SRCAP: variants seen among roughly 807,000 people sequenced by gnomAD.
The protein encoded by SRCAP is Snf2 related CREBBP activator protein.
Under a neutral mutation model 263.1 loss-of-function variants are expected in SRCAP, and 46 were observed. The ratio of observed to expected loss-of-function variants is 0.17; its 90% CI spans 0.14 to 0.22. The LOEUF is 0.22. Ranked by LOEUF, SRCAP falls within the 10% of genes least tolerant of loss-of-function variation. The pLI is 1.00. For missense variants in SRCAP, 3,695 were observed against 4,181.9 expected, an observed-to-expected ratio of 0.88 and a Z score of 3.21; for synonymous variants, 1,813 against 1,662.1, an observed-to-expected ratio of 1.09 and a Z score of -2.21.
At chr16:30,721,977 C>CT (rs1264711331) in intron 21 of SRCAP, 145 bp from the exon 22 acceptor site, 1 of 1,014,200 alleles carries the variant, frequency 9.9e-7, no homozygotes, top group Admixed American at 2.9e-5. Context: ...TAGGTGGAGG[C>CT]TGAGTTTATT....
At chr16:30,702,458 T>C (rs909686986) in intron 3 of SRCAP, among the ~76,000 whole-genome samples, 1 of 151,682 alleles carries the variant, frequency 6.6e-6, no homozygotes, top group Non-Finnish European at 1.5e-5. Flanking sequence ...GGTCTCAAAC[T>C]CCTGACCTCT....
At chr16:30,735,397 C>G (rs899590176) in intron 31 of SRCAP, among the ~76,000 whole-genome samples, 1 of 151,390 alleles carries the variant, frequency 6.6e-6, no homozygotes, top group Non-Finnish European at 1.5e-5. Context: ...CCGCCCGCCT[C>G]GGCCTCCCAA....
At position 30,709,641 on chromosome 16, in the gene SRCAP, A is replaced by G. The variant is rs764585756; in HGVS notation, c.762A>G (p.Pro254=). ...TTCTGTCTCAGAGCCTCAACCAGCCATTAACCTCCAGCAAAGCAGGCTCTT... is the reference window on the plus strand; with the variant it reads ...TTCTGTCTCAGAGCCTCAACCAGCCGTTAACCTCCAGCAAAGCAGGCTCTT... ...SDLLSQSLNQ[P]LTSSKAGSSP... Residue 254 remains proline, a synonymous_variant, in exon 7 of 34, where the codon CCA becomes CCG. Transcript: ENST00000262518. The G allele has an allele frequency of 1.9e-6, 3 of 1,614,166 alleles. No individual in the cohort carries two copies. Among genetic ancestry groups the G allele is most frequent in the Non-Finnish European group, 2.5e-6 (3 of 1,180,022 alleles).
At chr16:30,700,193 G>C (rs1468449643) in intron 2 of SRCAP, among the ~76,000 whole-genome samples, 1 of 152,232 alleles carries the variant, frequency 6.6e-6, no homozygotes, top group Non-Finnish European at 1.5e-5. Flanking sequence ...ACCAGGAAGA[G>C]TAGCAGGTTT....
At position 30,737,908 on chromosome 16, in the gene SRCAP, A is replaced by ACCT; in HGVS notation, c.7868_7869insCCT (p.Glu2623delinsAspLeu). ...AGCATCCCCAATGGTCAAGAGCAGG[A>ACCT]GGCACCAGATTCTGCTGAGGGGACC... On this transcript the variant is annotated protein_altering_variant, in exon 34 of 34. Coordinates refer to ENST00000262518, the MANE Select transcript of SRCAP (RefSeq NM_006662.3). 1.9e-6 allele frequency: 3 copies of ACCT among 1,614,186 alleles called. No individual in the cohort carries two copies. The highest frequency in any genetic ancestry group is 2.5e-6 in the Non-Finnish European group (3 of 1,180,020).
In SRCAP at chr16:30,734,705, A is replaced by G. The variant is rs117098413; in HGVS notation, c.6729+90A>G. On this transcript the variant is annotated intron_variant, in intron 31 of 33. Coordinates refer to ENST00000262518, the MANE Select transcript of SRCAP (RefSeq NM_006662.3). ...AGTCTGTTGAGCTTGTCCAGGGGAA[A>G]GAGATGTTTCTTCTGCTTCCCAGAT... 13,136 of 1,568,390 alleles carry G rather than the reference A, an allele frequency of 8.4e-3. 60 individuals are homozygous for G. Among genetic ancestry groups the G allele is most frequent in the Non-Finnish European group, 0.01 (11,973 of 1,151,844 alleles).
intron 24 of SRCAP, among the ~76,000 whole-genome samples, 157 bp downstream of exon 24, chr16:30,723,386 A>C (rs2053030540): frequency 6.6e-6 from 1 of 152,162 alleles, no homozygotes; most frequent in African/African-American, 2.4e-5. Context: ...GCCCTGACCT[A>C]ATTTCAAGAT....
At position 30,733,156 on chromosome 16, in the gene SRCAP, T is replaced by C. The variant is rs73538422; in HGVS notation, c.6128-124T>C. On this transcript the variant is annotated intron_variant, in intron 27 of 33. Transcript: ENST00000262518. The surrounding 1 kb of genome is among the most constrained non-coding windows in gnomAD (Gnocchi z 5.3). ...CTGCCGTAGTTAAACATTTTTGATCTGCTAGGCTAATTGAAACTTTGGCTT... is the reference window on the plus strand; with the variant it reads ...CTGCCGTAGTTAAACATTTTTGATCCGCTAGGCTAATTGAAACTTTGGCTT... 3.3e-3 allele frequency: 3,753 copies of C among 1,140,650 alleles called. 73 individuals are homozygous for C. The African/African-American group carries it at 0.051, about 15-fold the overall frequency. 70.7% of individuals were successfully genotyped at this position (1,140,650 alleles called of 1,614,324 possible).
chr16:30,729,565 T>C lies in SRCAP; in HGVS notation c.6120T>C (p.Tyr2040=), dbSNP rs1304410958. Residue 2040 remains tyrosine, a synonymous_variant, in exon 27 of 34, where the codon TAT becomes TAC. Coordinates refer to ENST00000262518, the MANE Select transcript of SRCAP (RefSeq NM_006662.3). ...TCCCTGACTTAAGACTCATCCAGTA[T>C]GATTGCGGTGAGTTTGTTGGCCAGT... The part of the protein sequence containing the change: ...TQFPDLRLIQ[Y]DCGKLQTLAV... 3.7e-6 allele frequency: 6 copies of C among 1,614,222 alleles called. No homozygotes were observed. In the East Asian group the frequency reaches 6.7e-5, roughly 18 times the overall value.
rs1225771861 is a variant in SRCAP at position 30,741,395 on chromosome 16, A to G, written c.*1662A>G. ...AGTCCTTTGAAATACAGATTAAAAT[A>G]ACAGATTCATAGCAGCTTTCAAGAG... is the stretch of plus-strand genomic sequence containing the variant. On this transcript the variant is annotated 3_prime_UTR_variant, in exon 34 of 34. Transcript: ENST00000262518. 1.0e-5 allele frequency: 2 copies of G among 197,714 alleles called. No individual in the cohort carries two copies. The highest frequency in any genetic ancestry group is 2.1e-5 in the Non-Finnish European group (2 of 97,320). The allele number at this position is 197,714 out of a possible 1,614,324, so 12.2% of individuals were successfully genotyped here.
chr16:30,715,288 G>A (rs758463514), intron 16 of SRCAP, among the ~76,000 whole-genome samples: 6 of 152,036 alleles, frequency 3.9e-5, no homozygotes, highest in South Asian at 4.1e-4. Flanking sequence ...GAAGTCGGCC[G>A]GGCGCGGTGG....
chr16:30,722,706 C>T lies in SRCAP; in HGVS notation c.3850C>T (p.Pro1284Ser), dbSNP rs1478517135. The T allele has an allele frequency of 1.2e-6, 2 of 1,613,804 alleles. No individual in the cohort carries two copies. The highest frequency in any genetic ancestry group is 2.2e-5 in the East Asian group (1 of 44,820). ...GCCTTCTTCGACCCCCAGCACCACC[C>T]CTGCCCCTACTGGCCTCAGCCTTCC... ...VLPSSTPSTT[P>S]APTGLSLPLA... is the part of the protein sequence containing the mutation. Residue 1284 changes from proline (P) to serine (S), a missense_variant, in exon 23 of 34, where the codon CCT becomes TCT. Physicochemically the swap from Pro to Ser is moderately conservative, Grantham distance 74. Around this residue, in one of 12 missense-constraint regions of SRCAP, gnomAD observed 1,347 missense variants for 1,304.4 expected, o/e 1.03. Transcript: ENST00000262518.
intron 2 of SRCAP, 48 bp from the exon 3 acceptor site, chr16:30,700,568 C>T (rs2052755004): frequency 7.5e-6 from 3 of 399,782 alleles, no homozygotes; most frequent in South Asian, 5.1e-5. Flanking sequence ...TTTTTCATCC[C>T]CTTTAACTGC....
chr16:30,710,708 C>T, intron 8 of SRCAP, 46 bp from the exon 9 acceptor site: 2 of 1,592,550 alleles, frequency 1.3e-6, no homozygotes, highest in Non-Finnish European at 1.7e-6. Flanking sequence ...CATTCTTCTG[C>T]TACTGTAACC....
Position 30,720,750 on chromosome 16 carries a change from G to C in SRCAP, c.3025G>C (p.Val1009Leu), listed in dbSNP as rs982570410. The change falls in exon 20 of 34, where the codon GTG (valine) becomes CTG (leucine). Residue 1009 changes from valine to leucine, a missense_variant. Physicochemically the swap from Val to Leu is conservative, Grantham distance 32. Transcript: ENST00000262518. ...AGTACCTAAGCAAGAAGGCCGGACA[G>C]TGGTGGTGGTGAACAACCCACGGGC... Reference protein sequence around the residue: ...QPVPKQEGRTVVVVNNPRAPL... With the variant: ...QPVPKQEGRTLVVVNNPRAPL... 1 of 1,612,754 alleles carries C rather than the reference G, an allele frequency of 6.2e-7. No individual in the cohort carries two copies.
chr16:30,722,290 G>T lies in SRCAP; in HGVS notation c.3706+4G>T. ...GGGCAGCCCCGCCCGCTGCAAAGTA[G>T]GTAAAACCCACCCCCTGTCCTGCCT... On this transcript the variant is annotated splice_donor_region_variant and intron_variant, in intron 22 of 33. Transcript: ENST00000262518. 6.2e-7 allele frequency: 1 copy of T among 1,612,258 alleles called. No individual in the cohort carries two copies.
At chr16:30,708,227 T>C (rs994498191) in intron 6 of SRCAP, among the ~76,000 whole-genome samples, 5 of 152,262 alleles carry the variant, frequency 3.3e-5, no homozygotes, top group African/African-American at 1.2e-4. Context: ...TTAATTGTCT[T>C]GGACAGAGTC....
At chr16:30,713,145 G>A in intron 14 of SRCAP, 63 bp from the exon 15 acceptor site, 1 of 1,533,092 alleles carries the variant, frequency 6.5e-7, no homozygotes, top group Non-Finnish European at 9.0e-7. Context: ...AGTTTAGCAT[G>A]TCTTCCCTTT....
At chr16:30,715,565 A>C (rs2052939445) in intron 16 of SRCAP, among the ~76,000 whole-genome samples, 2 of 135,754 alleles carry the variant, frequency 1.5e-5, no homozygotes, top group East Asian at 2.0e-4. Context: ...ACTTTGTATC[A>C]AAAAAAAAAA....
Sources: allele counts gnomAD v4.1 joint callset (sites outside exome capture counted in the v4.1 genomes callset), GRCh38; gene constraint gnomAD v4.1.1; regional missense constraint gnomAD v4.1.1; non-coding constraint Gnocchi (gnomAD v3.1); transcripts MANE v1.5; gene names NCBI Gene and HGNC (gene_info 2026-07-23, HGNC 2026-07-21).